The following CNTN4 variants were observed in gnomAD, a reference collection of about 807,000 sequenced individuals.
CNTN4 encodes contactin-4.
In CNTN4, 77 loss-of-function variants were observed where a neutral mutation model predicts 122.5. That is an observed-to-expected ratio of 0.63 (90% CI 0.52 to 0.76). The LOEUF (loss-of-function observed/expected upper bound fraction) is 0.76. Ranked by LOEUF, CNTN4 falls within the 30% of genes least tolerant of loss-of-function variation. The probability of loss-of-function intolerance (pLI) is 0.00; values close to 1 mark genes in which losing one functional copy is unlikely to be tolerated. For missense variants in CNTN4, 1,256 were observed against 1,259.1 expected (o/e 1.00, Z 0.04); for synonymous variants, 512 against 447.0 (o/e 1.15, Z -1.83).
At chr3:2,282,804 T>A (rs1206562109) in intron 2 of CNTN4, among the ~76,000 whole-genome samples, 2 of 152,094 alleles carry the variant, frequency 1.3e-5, no homozygotes, top group African/African-American at 4.8e-5. Context: ...AAATGGAATA[T>A]TATTCAGGCA....
chr3:2,466,970 CTTTTT>C (rs60879017), intron 3 of CNTN4, among the ~76,000 whole-genome samples: 1 of 115,808 alleles, frequency 8.6e-6, no homozygotes, highest in Non-Finnish European at 1.7e-5. Flanking sequence ...TTCTTTCTTT[CTTTTT>C]TTTTTTTTTT....
intron 16 of CNTN4, among the ~76,000 whole-genome samples, chr3:3,033,738 G>A (rs1699375108): frequency 6.6e-6 from 1 of 152,200 alleles, no homozygotes; most frequent in African/African-American, 2.4e-5. Flanking sequence ...ATGTTGGAAA[G>A]TGGGATAGCT....
chr3:2,941,555 A>C (rs1158576272), intron 13 of CNTN4, among the ~76,000 whole-genome samples: 4 of 152,184 alleles, frequency 2.6e-5, no homozygotes, highest in African/African-American at 9.7e-5. Flanking sequence ...TGCATCAATA[A>C]ATTTTAAAAA....
chr3:2,898,543 C>G (rs1336098532), intron 10 of CNTN4, among the ~76,000 whole-genome samples: 4 of 152,190 alleles, frequency 2.6e-5, no homozygotes. Context: ...CTCTGCCTCA[C>G]CTGCTTCTTG....
At position 2,887,884 on chromosome 3, in the gene CNTN4, G is replaced by A. The variant is rs529292649; in HGVS notation, c.940+660G>A. On this transcript the variant is annotated intron_variant, in intron 10 of 24. Coordinates refer to ENST00000418658, the MANE Select transcript of CNTN4 (RefSeq NM_175607.3). ...TGTTAGGATACTGATTTGAAATCTC[G>A]AAAAGGATTTCATTGGATAGGCATT... Among the ~76,000 whole-genome samples the A allele has an allele frequency of 3.5e-4, 53 of 152,244 alleles. 1 individual carries two copies. Among genetic ancestry groups the A allele is most frequent in the Admixed American group, 2.0e-3 (30 of 15,290 alleles).
intron 2 of CNTN4, among the ~76,000 whole-genome samples, chr3:2,263,590 A>T (rs1490936856): frequency 1.3e-5 from 2 of 152,044 alleles, no homozygotes; most frequent in African/African-American, 2.4e-5. Flanking sequence ...AGTAACTGGG[A>T]TACCTATTAC....
chr3:2,712,599 A>G (rs958213415), intron 4 of CNTN4, among the ~76,000 whole-genome samples: 1 of 152,224 alleles, frequency 6.6e-6, no homozygotes, highest in Non-Finnish European at 1.5e-5. Flanking sequence ...TTTGGTCTTC[A>G]TGCCATGTCC....
intron 3 of CNTN4, among the ~76,000 whole-genome samples, chr3:2,416,293 T>C (rs2047409529): frequency 6.6e-6 from 1 of 152,236 alleles, no homozygotes; most frequent in South Asian, 2.1e-4. Context: ...ACATTAGCCC[T>C]AATTAACTTT....
chr3:3,018,367 G>A (rs535618598), intron 14 of CNTN4, among the ~76,000 whole-genome samples: 33 of 152,052 alleles, frequency 2.2e-4, no homozygotes, highest in African/African-American at 6.3e-4. Flanking sequence ...ATTAGTATTC[G>A]CCATCTTTTT....
chr3:2,637,611 G>C (rs146140850), intron 4 of CNTN4, among the ~76,000 whole-genome samples: 3 of 152,050 alleles, frequency 2.0e-5, no homozygotes, highest in Non-Finnish European at 4.4e-5. Context: ...AGCTCTGAAG[G>C]TACCTCTGCT....
chr3:2,241,594 A>G (rs2039943042), intron 2 of CNTN4, among the ~76,000 whole-genome samples: 1 of 152,172 alleles, frequency 6.6e-6, no homozygotes. Flanking sequence ...AGATGTCTGC[A>G]GTCAGAACTC....
intron 2 of CNTN4, among the ~76,000 whole-genome samples, chr3:2,268,176 G>A (rs2041131772): frequency 6.6e-6 from 1 of 152,074 alleles, no homozygotes; most frequent in Admixed American, 6.6e-5. Flanking sequence ...CGATGATACA[G>A]GTAGGACTAT....
rs751342811 is a variant in CNTN4 at position 3,026,091 on chromosome 3, T to C, written c.1487-11T>C. The C allele has an allele frequency of 6.2e-7, 1 of 1,612,132 alleles. No individual in the cohort carries two copies. Among genetic ancestry groups the C allele is most frequent in the South Asian group, 1.1e-5 (1 of 91,026 alleles). Reference sequence around the variant, plus strand: ...GTTGTTGTTATTGTTTGTTTTGTTTTAACTCTCCAGATCCAACAAGGGTAA... The same window carrying C: ...GTTGTTGTTATTGTTTGTTTTGTTTCAACTCTCCAGATCCAACAAGGGTAA... On this transcript the variant is annotated splice_polypyrimidine_tract_variant and intron_variant, in intron 14 of 24. Transcript: ENST00000418658.
chr3:2,510,645 A>T (rs1575806312), intron 3 of CNTN4, among the ~76,000 whole-genome samples: 2 of 152,162 alleles, frequency 1.3e-5, no homozygotes, highest in African/African-American at 2.4e-5. Context: ...TACATAAACA[A>T]ATGTCTTCCG....
rs558341337 is a variant in CNTN4 at position 2,650,191 on chromosome 3, C to T, written c.55+78633C>T. On this transcript the variant is annotated intron_variant, in intron 4 of 24. Coordinates refer to ENST00000418658, the MANE Select transcript of CNTN4 (RefSeq NM_175607.3). ...TTTTGGAAATTGATTCCAACCCTCA[C>T]GGATGACTTTGAGGGGCTTAAAGCT... 3.3e-5 allele frequency among the ~76,000 whole-genome samples: 5 copies of T among 151,638 alleles called. No homozygotes were observed. In the South Asian group the frequency reaches 6.3e-4, roughly 19 times the overall value.
chr3:2,749,864 TTTC>T (rs1299310656), intron 6 of CNTN4, among the ~76,000 whole-genome samples: 3 of 152,228 alleles, frequency 2.0e-5, no homozygotes, highest in African/African-American at 7.2e-5. Flanking sequence ...ATAAAATCCT[TTTC>T]TTCAGTGAAT....
chr3:3,032,999 A>G (rs1374164812), intron 16 of CNTN4, among the ~76,000 whole-genome samples: 1 of 152,186 alleles, frequency 6.6e-6, no homozygotes, highest in Non-Finnish European at 1.5e-5. Context: ...CCAAACTCAT[A>G]CCAGCCCTTC....
intron 2 of CNTN4, among the ~76,000 whole-genome samples, chr3:2,131,604 G>C (rs2034454844): frequency 6.6e-6 from 1 of 152,202 alleles, no homozygotes. Flanking sequence ...AAAATTGATT[G>C]CTGTCAGCAA....
At chr3:2,630,806 T>C (rs2082399720) in intron 4 of CNTN4, among the ~76,000 whole-genome samples, 1 of 151,940 alleles carries the variant, frequency 6.6e-6, no homozygotes, top group Non-Finnish European at 1.5e-5. Context: ...TGTGTAAAAT[T>C]TAAAATTATG....
Sources: allele counts gnomAD v4.1 joint callset (sites outside exome capture counted in the v4.1 genomes callset), GRCh38; gene constraint gnomAD v4.1.1; transcripts MANE v1.5; gene names NCBI Gene and HGNC (gene_info 2026-07-23, HGNC 2026-07-21).